Variants in TRMT9B observed in about 807,000 individuals in gnomAD.
TRMT9B encodes probable tRNA methyltransferase 9B.
TRMT9B carries 16 observed loss-of-function variants against 11.5 expected under a neutral mutation model. That is an observed-to-expected ratio of 1.39 (90% CI 0.94 to 2.11). The LOEUF (loss-of-function observed/expected upper bound fraction) is 2.11, where lower values mean the gene tolerates loss of function less well. TRMT9B is among the 30% of genes most tolerant of loss of function. TRMT9B has a pLI of 0.00. For missense variants in TRMT9B, 941 were observed against 553.8 expected (o/e 1.70, Z -7.02); for synonymous variants, 274 against 192.4 (o/e 1.42, Z -3.51).
At chr8:12,994,533 G>A (rs980180162) in intron 2 of TRMT9B, among the ~76,000 whole-genome samples, 4 of 152,080 alleles carry the variant, frequency 2.6e-5, no homozygotes, top group South Asian at 4.1e-4. Flanking sequence ...TAATTTATGC[G>A]TCTTAGCTAT....
intron 1 of TRMT9B, 104 bp from the exon 2 acceptor site, chr8:12,990,730 G>T (rs997450339): frequency 9.8e-6 from 5 of 508,396 alleles, no homozygotes; most frequent in Non-Finnish European, 9.1e-6. Context: ...ATCCCTACTT[G>T]GCTGGGTAAT....
chr8:12,959,516 C>CTCTTTTTTTTTTTTTT (rs757156112), intron 1 of TRMT9B, among the ~76,000 whole-genome samples: 4 of 74,896 alleles, frequency 5.3e-5, no homozygotes, highest in African/African-American at 1.5e-4. Context: ...TTTTTCCTTC[C>CTCTTTTTTTTTTTTTT]TTTTTTTTTT....
At chr8:12,961,538 A>G (rs1311935527) in intron 1 of TRMT9B, among the ~76,000 whole-genome samples, 1 of 151,376 alleles carries the variant, frequency 6.6e-6, no homozygotes, top group African/African-American at 2.4e-5. Context: ...CGTCTCTACT[A>G]AAAACACAAA....
chr8:12,967,008 A>G (rs1470239124), intron 1 of TRMT9B, among the ~76,000 whole-genome samples: 2 of 152,192 alleles, frequency 1.3e-5, no homozygotes, highest in African/African-American at 4.8e-5. Context: ...CCTTACAGAC[A>G]CCGACGGTGA....
At chr8:13,014,752 C>G (rs987523909) in intron 4 of TRMT9B, among the ~76,000 whole-genome samples, 1 of 152,060 alleles carries the variant, frequency 6.6e-6, no homozygotes, top group African/African-American at 2.4e-5. Flanking sequence ...TTCCACTTAA[C>G]TAGAAATTGG....
chr8:12,993,079 C>T (rs1382682506), intron 2 of TRMT9B, among the ~76,000 whole-genome samples: 11 of 152,176 alleles, frequency 7.2e-5, no homozygotes, highest in South Asian at 6.2e-4. Context: ...AAGTCCCTCT[C>T]GGGAAAAAGT....
chr8:13,019,111 G>A (rs1585415127), intron 4 of TRMT9B, among the ~76,000 whole-genome samples: 1 of 152,104 alleles, frequency 6.6e-6, no homozygotes, highest in Non-Finnish European at 1.5e-5. Context: ...ATTACAATTT[G>A]GGGAGTATTG....
intron 1 of TRMT9B, among the ~76,000 whole-genome samples, chr8:12,972,139 A>G (rs562621211): frequency 3.9e-5 from 6 of 152,342 alleles, no homozygotes; most frequent in South Asian, 2.1e-4. Flanking sequence ...TTAGAGGACA[A>G]GCAATGCAAA....
rs964579441 is a variant in TRMT9B, at chr8:13,024,897, C to T, written c.*2853C>T. On this transcript the variant is annotated 3_prime_UTR_variant, in exon 5 of 5. Coordinates refer to ENST00000524591, the MANE Select transcript of TRMT9B (RefSeq NM_020844.3). ...AAAGCTCTTTTAAATTTAACTTCCG[C>T]CTTTGGATTTTTTTTAAAAAGCCAT... 6.0e-6 allele frequency: 1 copy of T among 166,866 alleles called. No homozygotes were observed. Among genetic ancestry groups the T allele is most frequent in the African/African-American group, 2.4e-5 (1 of 41,378 alleles). The allele number at this position is 166,866 out of a possible 1,614,324, so 10.3% of individuals were successfully genotyped here.
intron 1 of TRMT9B, among the ~76,000 whole-genome samples, chr8:12,973,739 A>G (rs1348906858): frequency 6.6e-6 from 1 of 152,190 alleles, no homozygotes; most frequent in Non-Finnish European, 1.5e-5. Context: ...GACTTCAGCC[A>G]TAAGCGTCTG....
intron 1 of TRMT9B, among the ~76,000 whole-genome samples, chr8:12,956,134 A>C (rs562583309): frequency 3.0e-4 from 46 of 152,332 alleles, no homozygotes; most frequent in African/African-American, 1.1e-3. Flanking sequence ...CCCTAGCTGC[A>C]AGGGACTCTG....
Position 12,979,624 on chromosome 8 carries a change from G to T in TRMT9B, c.-199-11210G>T, listed in dbSNP as rs373671722. 5.3e-5 allele frequency among the ~76,000 whole-genome samples: 8 copies of T among 152,248 alleles called. No homozygotes were observed. In the East Asian group the frequency reaches 1.2e-3, roughly 22 times the overall value. ...ACTCCCAAAGCCTTGCCCTACTTGG[G>T]TACCTAATTCCTGCAACTACAGGTG... On this transcript the variant is annotated intron_variant, in intron 1 of 4. Transcript: ENST00000524591.
intron 2 of TRMT9B, among the ~76,000 whole-genome samples, chr8:13,000,325 G>A (rs1284281410): frequency 6.6e-6 from 1 of 152,240 alleles, no homozygotes; most frequent in East Asian, 1.9e-4. Flanking sequence ...TGACTTCTCA[G>A]TAGAACCCTG....
intron 1 of TRMT9B, among the ~76,000 whole-genome samples, chr8:12,967,528 T>A (rs1005216411): frequency 9.9e-5 from 15 of 152,218 alleles, no homozygotes; most frequent in African/African-American, 3.6e-4. Context: ...CCAGTTACCA[T>A]TTGACCAACT....
intron 1 of TRMT9B, among the ~76,000 whole-genome samples, chr8:12,948,144 A>C (rs1800357741): frequency 6.6e-6 from 1 of 152,192 alleles, no homozygotes; most frequent in African/African-American, 2.4e-5. Context: ...CCTACTGAAC[A>C]TGATAGCTTG....
intron 3 of TRMT9B, chr8:13,011,075 C>G (rs554842135): frequency 2.4e-6 from 1 of 422,668 alleles, no homozygotes; most frequent in East Asian, 1.6e-4. Flanking sequence ...ACCTCCACCT[C>G]CTGAATTTAA....
At chr8:13,014,573 C>T (rs1480917915) in intron 4 of TRMT9B, among the ~76,000 whole-genome samples, 2 of 152,154 alleles carry the variant, frequency 1.3e-5, no homozygotes, top group East Asian at 3.9e-4. Flanking sequence ...TTCATCTAAA[C>T]CTCCTAAAGT....
At chr8:12,947,539 T>C (rs1228393193) in intron 1 of TRMT9B, among the ~76,000 whole-genome samples, 1 of 152,200 alleles carries the variant, frequency 6.6e-6, no homozygotes, top group Non-Finnish European at 1.5e-5. Flanking sequence ...AAGGCTGAAG[T>C]GAATGAAATG....
At chr8:12,964,791 T>G (rs182266431) in intron 1 of TRMT9B, among the ~76,000 whole-genome samples, 2 of 152,214 alleles carry the variant, frequency 1.3e-5, no homozygotes, top group African/African-American at 4.8e-5. Flanking sequence ...GGGGTGTCAC[T>G]ACGATGCCTA....
Sources: allele counts gnomAD v4.1 joint callset (sites outside exome capture counted in the v4.1 genomes callset), GRCh38; gene constraint gnomAD v4.1.1; transcripts MANE v1.5; gene names NCBI Gene and HGNC (gene_info 2026-07-23, HGNC 2026-07-21).